Variants in DGKB observed in about 807,000 individuals in gnomAD.
The protein encoded by DGKB is diacylglycerol kinase beta, also known as 90 kDa diacylglycerol kinase.
DGKB carries 67 observed loss-of-function variants against 114.3 expected under a neutral mutation model. The ratio of observed to expected loss-of-function variants is 0.59; its 90% confidence interval spans 0.48 to 0.72. DGKB has a LOEUF of 0.72. Among genes scored for constraint, DGKB ranks in the 30% least tolerant of loss-of-function variants. The pLI, the probability that DGKB is intolerant of heterozygous loss-of-function variation, is 0.00. For synonymous variants in DGKB, 398 were observed against 323.1 expected (o/e 1.23, Z -2.49); for missense variants, 907 against 975.2 (o/e 0.93, Z 0.93).
intron 22 of DGKB, among the ~76,000 whole-genome samples, chr7:14,344,406 G>T (rs1356370727): frequency 6.6e-6 from 1 of 151,590 alleles, no homozygotes; most frequent in South Asian, 2.1e-4. Flanking sequence ...CCAGGCCATT[G>T]TGTGGTCCAT....
intron 23 of DGKB, among the ~76,000 whole-genome samples, chr7:14,182,214 T>C (rs1782731693): frequency 6.6e-6 from 1 of 151,924 alleles, no homozygotes; most frequent in African/African-American, 2.4e-5. Context: ...AAATAACACA[T>C]TAAATTTTAT....
At chr7:14,871,879 AG>A (rs1166901295) in intron 1 of DGKB, among the ~76,000 whole-genome samples, 2 of 152,164 alleles carry the variant, frequency 1.3e-5, no homozygotes, top group African/African-American at 4.8e-5. Flanking sequence ...TTACCCATTT[AG>A]TTTTCATACT....
chr7:14,191,726 C>A, intron 23 of DGKB: 1 of 340,246 alleles, frequency 2.9e-6, no homozygotes, highest in South Asian at 2.8e-5. Context: ...CAAAGATGTT[C>A]ACTGTGCCAA....
rs539277838 is a variant in DGKB at position 14,963,056 on chromosome 7, A to G, written c.-188+11640T>C. On this transcript the variant is annotated intron_variant, in intron 1 of 4. Transcript: ENST00000437998. ...TTATTCTCTCAAACTGTCTTTATAA[A>G]GCTAGAAACATTGACCAGACAGTTT... 3.1e-4 allele frequency among the ~76,000 whole-genome samples: 47 copies of G among 152,192 alleles called. 1 individual carries two copies. The highest frequency in any genetic ancestry group is 2.8e-3 in the Admixed American group (42 of 15,268).
rs576472578 is a variant in DGKB at position 14,412,142 on chromosome 7, A to G, written c.1835+66019T>C. Among the ~76,000 whole-genome samples the G allele has an allele frequency of 8.5e-5, 13 of 152,314 alleles. No individual in the cohort carries two copies. The South Asian group carries it at 2.7e-3, about 32-fold the overall frequency. On this transcript the variant is annotated intron_variant, in intron 21 of 25. Transcript: ENST00000402815. ...TGTGTATGTGTATGCATAGGCACAG[A>G]GAAAGACCAGAAGTCTATAAACATT...
At chr7:14,502,138 T>G (rs1199097841) in intron 20 of DGKB, among the ~76,000 whole-genome samples, 2 of 151,942 alleles carry the variant, frequency 1.3e-5, no homozygotes, top group African/African-American at 4.8e-5. Flanking sequence ...ACTAACAGAA[T>G]GTGATGAAAG....
chr7:14,539,732 T>C (rs951596000), intron 20 of DGKB, among the ~76,000 whole-genome samples: 1 of 152,126 alleles, frequency 6.6e-6, no homozygotes, highest in Non-Finnish European at 1.5e-5. Flanking sequence ...ACACTTAGTA[T>C]ATGACCTTTG....
intron 23 of DGKB, among the ~76,000 whole-genome samples, chr7:14,319,190 T>C (rs891918664): frequency 2.6e-5 from 4 of 150,952 alleles, no homozygotes; most frequent in African/African-American, 9.7e-5. Flanking sequence ...TAATGCTAGA[T>C]GACGAGTTAG....
chr7:14,305,625 G>A (rs527930828), intron 23 of DGKB, among the ~76,000 whole-genome samples: 7 of 152,168 alleles, frequency 4.6e-5, no homozygotes, highest in South Asian at 2.1e-4. Context: ...AGTGGCTTGC[G>A]ATCCATCAAA....
At chr7:14,734,871 C>A (rs973935805) in intron 5 of DGKB, among the ~76,000 whole-genome samples, 15 of 151,994 alleles carry the variant, frequency 9.9e-5, no homozygotes, top group African/African-American at 2.7e-4. Context: ...CTGCTGAAGA[C>A]ATTTCTTCAT....
chr7:14,234,688 G>GTTACT (rs1792492177), intron 23 of DGKB, among the ~76,000 whole-genome samples: 1 of 152,092 alleles, frequency 6.6e-6, no homozygotes, highest in African/African-American at 2.4e-5. Flanking sequence ...CCCTCAGAAA[G>GTTACT]TTACTTTATT....
Position 14,753,965 on chromosome 7 carries a change from A to C in DGKB, c.148-17T>G. On this transcript the variant is annotated splice_polypyrimidine_tract_variant and intron_variant, in intron 3 of 25. Transcript: ENST00000402815. Reference sequence around the variant, plus strand: ...GTCTTGTTTCTGTGCATGCAAGGAAAGAAAGAATACATGTGTTAATGTAAG... The same window carrying C: ...GTCTTGTTTCTGTGCATGCAAGGAACGAAAGAATACATGTGTTAATGTAAG... The C allele has an allele frequency of 6.7e-7, 1 of 1,497,630 alleles. No homozygotes were observed. The highest frequency in any genetic ancestry group is 9.2e-7 in the Non-Finnish European group (1 of 1,091,196). The allele number at this position is 1,497,630 out of a possible 1,614,324, so 92.8% of individuals were successfully genotyped here.
At chr7:14,808,476 A>C (rs1843020882) in intron 2 of DGKB, among the ~76,000 whole-genome samples, 1 of 152,058 alleles carries the variant, frequency 6.6e-6, no homozygotes, top group Non-Finnish European at 1.5e-5. Context: ...AAATGTAATA[A>C]GATAAGATTA....
intron 21 of DGKB, among the ~76,000 whole-genome samples, chr7:14,413,720 GAAGA>G (rs1002687480): frequency 2.6e-5 from 4 of 152,120 alleles, no homozygotes; most frequent in Non-Finnish European, 5.9e-5. Context: ...AAATCTCCCT[GAAGA>G]AAGAGAGATG....
intron 21 of DGKB, among the ~76,000 whole-genome samples, chr7:14,345,906 T>C (rs1812397317): frequency 6.6e-6 from 1 of 151,600 alleles, no homozygotes; most frequent in South Asian, 2.1e-4. Flanking sequence ...TATGACTTGA[T>C]ATTTTTGGCT....
intron 23 of DGKB, among the ~76,000 whole-genome samples, chr7:14,183,727 A>G (rs1010966978): frequency 1.3e-5 from 2 of 152,216 alleles, no homozygotes; most frequent in African/African-American, 4.8e-5. Context: ...GCTTGACTCT[A>G]AATTCCATGT....
chr7:14,545,312 C>A (rs1794106589), intron 20 of DGKB, among the ~76,000 whole-genome samples: 2 of 152,114 alleles, frequency 1.3e-5, no homozygotes, highest in Non-Finnish European at 2.9e-5. Flanking sequence ...ATACAATTAA[C>A]TATGAGTATG....
At chr7:14,953,139 T>C (rs574597896) in intron 1 of DGKB, among the ~76,000 whole-genome samples, 86 of 152,156 alleles carry the variant, frequency 5.7e-4, no homozygotes, top group Middle Eastern at 6.8e-3. Flanking sequence ...ATTTCTGACA[T>C]TGGATTTGCC....
chr7:14,240,418 T>G (rs573990300), intron 23 of DGKB, among the ~76,000 whole-genome samples: 2 of 152,206 alleles, frequency 1.3e-5, no homozygotes, highest in South Asian at 2.1e-4. Context: ...ATCTTTGGAG[T>G]GCTAAAGCTA....
Sources: allele counts gnomAD v4.1 joint callset (sites outside exome capture counted in the v4.1 genomes callset), GRCh38; gene constraint gnomAD v4.1.1; transcripts MANE v1.5; gene names NCBI Gene and HGNC (gene_info 2026-07-23, HGNC 2026-07-21).